Variants in FOXP2 observed in about 807,000 individuals in gnomAD.
FOXP2 encodes the protein forkhead box protein P2.
In FOXP2, 12 loss-of-function variants were observed where a neutral mutation model predicts 115.8. The observed-to-expected ratio is 0.10, with a 90% confidence interval of 0.07 to 0.17. The LOEUF is 0.17. FOXP2 is among the 10% of genes least tolerant of loss of function. The pLI, the probability that FOXP2 is intolerant of heterozygous loss-of-function variation, is 1.00. For synonymous variants in FOXP2, 328 were observed against 297.7 expected (o/e 1.10, Z -1.05); for missense variants, 629 against 843.5 (o/e 0.75, Z 3.15).
intron 1 of FOXP2, among the ~76,000 whole-genome samples, chr7:114,415,916 T>G (rs1287113687): frequency 6.6e-6 from 1 of 152,002 alleles, no homozygotes. Flanking sequence ...GTTCATGATT[T>G]TATTAAAAAT....
chr7:114,663,431 T>G lies in FOXP2; in HGVS notation c.1770-19T>G. 3 of 1,504,612 alleles carry G rather than the reference T, an allele frequency of 2.0e-6. No individual in the cohort carries two copies. Among genetic ancestry groups the G allele is most frequent in the Non-Finnish European group, 2.8e-6 (3 of 1,086,402 alleles). The allele number at this position is 1,504,612 out of a possible 1,614,324, so 93.2% of individuals were successfully genotyped here. A position where few individuals can be genotyped will look rare whatever the true frequency, so the allele number is the denominator to read the frequency against. ...TATATTTTGACGTATAAATGATCTT[T>G]ATATATTTTTTTTTTCAGAAGTCCA... On this transcript the variant is annotated intron_variant, in intron 14 of 16. Transcript: ENST00000350908.
chr7:114,585,836 A>G (rs114445474), intron 3 of FOXP2, among the ~76,000 whole-genome samples: 11 of 152,278 alleles, frequency 7.2e-5, no homozygotes, highest in South Asian at 2.1e-4. Context: ...TTAACATGCT[A>G]CAAGATAGTG....
intron 2 of FOXP2, among the ~76,000 whole-genome samples, chr7:114,466,435 T>C (rs577807525): frequency 3.9e-5 from 6 of 152,342 alleles, no homozygotes; most frequent in African/African-American, 1.2e-4. Flanking sequence ...GTGTTGTCAC[T>C]ATGGTTACTT....
At chr7:114,102,725 C>CAT (rs1381717084) in intron 1 of FOXP2, among the ~76,000 whole-genome samples, 1 of 151,190 alleles carries the variant, frequency 6.6e-6, no homozygotes, top group African/African-American at 2.4e-5. Context: ...CACACACACA[C>CAT]ACACACACCC....
intron 2 of FOXP2, among the ~76,000 whole-genome samples, chr7:114,375,393 G>A (rs1327996641): frequency 6.6e-6 from 1 of 152,178 alleles, no homozygotes; most frequent in Non-Finnish European, 1.5e-5. Flanking sequence ...ACATGGTTAA[G>A]TTAATGCAGT....
chr7:114,254,176 T>G (rs1584582355), intron 1 of FOXP2, among the ~76,000 whole-genome samples: 1 of 152,356 alleles, frequency 6.6e-6, no homozygotes, highest in East Asian at 1.9e-4. Flanking sequence ...GTTAGTCTGA[T>G]GGGCTTCCCT....
chr7:114,533,267 C>T (rs1269317454), intron 2 of FOXP2, among the ~76,000 whole-genome samples: 2 of 151,866 alleles, frequency 1.3e-5, no homozygotes, highest in African/African-American at 4.8e-5. Flanking sequence ...TCTATGTCTG[C>T]CTGCCTTCTC....
At chr7:114,412,672 G>A (rs1023620656), upstream of FOXP2, among the ~76,000 whole-genome samples, 12 of 152,168 alleles carry the variant, frequency 7.9e-5, no homozygotes, top group African/African-American at 2.7e-4. Flanking sequence ...CTTTGTGCGG[G>A]AGGCACCTAT....
At chr7:114,306,287 G>T (rs1797012716) in intron 2 of FOXP2, among the ~76,000 whole-genome samples, 1 of 152,072 alleles carries the variant, frequency 6.6e-6, no homozygotes, top group Admixed American at 6.6e-5. Context: ...ATGAACATTA[G>T]TTTCCTTTGC....
At chr7:114,642,714 G>A (rs2129333098) in intron 7 of FOXP2, 91 bp downstream of exon 7, 1 of 1,084,864 alleles carries the variant, frequency 9.2e-7, no homozygotes, top group Non-Finnish European at 1.4e-6. Context: ...TGTACTTGGA[G>A]CAAGGACAAA....
intron 6 of FOXP2, among the ~76,000 whole-genome samples, chr7:114,634,026 A>C (rs549589008): frequency 6.6e-6 from 1 of 151,038 alleles, no homozygotes; most frequent in South Asian, 2.1e-4. Flanking sequence ...GAGGAGTCTC[A>C]CTCTGTCACC....
At chr7:114,366,231 GA>G (rs1488134131) in intron 2 of FOXP2, among the ~76,000 whole-genome samples, 1 of 152,066 alleles carries the variant, frequency 6.6e-6, no homozygotes, top group African/African-American at 2.4e-5. Context: ...CTGTGTGATC[GA>G]AACTACTAAA....
chr7:114,510,025 A>T (rs1797998132), intron 2 of FOXP2, among the ~76,000 whole-genome samples: 1 of 152,168 alleles, frequency 6.6e-6, no homozygotes, highest in Non-Finnish European at 1.5e-5. Context: ...GATAAGAAAA[A>T]GGAAATGTAG....
intron 1 of FOXP2, among the ~76,000 whole-genome samples, chr7:114,199,369 A>G (rs1236516457): frequency 5.3e-5 from 8 of 152,188 alleles, no homozygotes; most frequent in African/African-American, 1.9e-4. Flanking sequence ...TTAAAATGTT[A>G]TGAAAATAAT....
intron 16 of FOXP2, chr7:114,664,639 A>G (rs1807069044): frequency 3.3e-6 from 2 of 607,662 alleles, no homozygotes; most frequent in African/African-American, 1.9e-5. Context: ...ATGCCATATC[A>G]TTATTGTTCC....
chr7:114,270,491 C>T (rs1182978657), intron 1 of FOXP2, among the ~76,000 whole-genome samples: 1 of 152,056 alleles, frequency 6.6e-6, no homozygotes, highest in Admixed American at 6.6e-5. Flanking sequence ...TTGATGTTGC[C>T]AGTGTATTGG....
In FOXP2 at chr7:114,143,147, C is replaced by T. The variant is rs866822034; in HGVS notation, c.-246-19797C>T. ...TGGGGGACAGAGCAAGACCCTGTCT[C>T]AATAATAATAATAATAATAATAATA... On this transcript the variant is annotated intron_variant, in intron 1 of 19. Coordinates refer to the FOXP2 transcript ENST00000635638. Among the ~76,000 whole-genome samples the T allele has an allele frequency of 3.8e-3, 525 of 139,550 alleles. 4 individuals carry two copies. The highest frequency in any genetic ancestry group is 0.013 in the African/African-American group (498 of 37,728). The allele number at this position is 139,550 out of a possible 152,430, so 91.6% of individuals were successfully genotyped here. A position where few individuals can be genotyped will look rare whatever the true frequency, so the allele number is the denominator to read the frequency against.
chr7:114,310,359 A>T (rs932051477), intron 2 of FOXP2, among the ~76,000 whole-genome samples: 4 of 152,180 alleles, frequency 2.6e-5, no homozygotes, highest in African/African-American at 9.7e-5. Context: ...TACCATTTCC[A>T]TTTGACTACA....
chr7:114,188,674 C>T (rs1203526801), intron 1 of FOXP2, among the ~76,000 whole-genome samples: 1 of 152,120 alleles, frequency 6.6e-6, no homozygotes, highest in Non-Finnish European at 1.5e-5. Flanking sequence ...ATGGCAGCCT[C>T]GACCTCCTGG....
Sources: allele counts gnomAD v4.1 joint callset (sites outside exome capture counted in the v4.1 genomes callset), GRCh38; gene constraint gnomAD v4.1.1; transcripts MANE v1.5; gene names NCBI Gene and HGNC (gene_info 2026-07-23, HGNC 2026-07-21).